The following AHCTF1 variants were observed in gnomAD, a reference collection of about 807,000 sequenced individuals.
The protein encoded by AHCTF1 is protein ELYS.
AHCTF1 carries 24 observed loss-of-function variants against 248.4 expected under a neutral mutation model. That is an observed-to-expected ratio of 0.10 (90% confidence interval 0.07 to 0.14). The LOEUF (loss-of-function observed/expected upper bound fraction) is 0.14, where lower values mean the gene tolerates loss of function less well. AHCTF1 is among the 10% of genes least tolerant of loss of function. AHCTF1 has a pLI of 1.00. For missense variants in AHCTF1, 2,206 were observed against 2,636.2 expected, an observed-to-expected ratio of 0.84 and a Z score of 3.57; for synonymous variants, 786 against 929.8, an observed-to-expected ratio of 0.85 and a Z score of 2.81.
intron 11 of AHCTF1, 152 bp downstream of exon 11, chr1:246,899,299 T>C (rs1664830925): frequency 3.6e-6 from 2 of 548,958 alleles, no homozygotes; most frequent in East Asian, 3.3e-5. Context: ...TAGTAACTGA[T>C]ACTACTAGTT....
Position 246,842,794 on chromosome 1 carries a change from T to C in AHCTF1, c.6526-18A>G. On this transcript the variant is annotated intron_variant, in intron 34 of 35. Transcript: ENST00000648844. Reference sequence around the variant, plus strand: ...TCATCTTTCTATGGGTTAAACATTTTAAAAGGTTAAGTATTAAACACGAAT... The same window carrying C: ...TCATCTTTCTATGGGTTAAACATTTCAAAAGGTTAAGTATTAAACACGAAT... 6.2e-7 allele frequency: 1 copy of C among 1,600,600 alleles called. No homozygotes were observed. Among genetic ancestry groups the C allele is most frequent in the Non-Finnish European group, 8.6e-7 (1 of 1,168,454 alleles).
intron 24 of AHCTF1, among the ~76,000 whole-genome samples, chr1:246,868,846 GTT>G (rs563383895): frequency 0.29 from 37,824 of 128,678 alleles, 5,123 homozygotes; most frequent in East Asian, 0.39. Flanking sequence ...TGTGTTTTTT[GTT>G]TTTTTTTTTT....
In AHCTF1 at chr1:246,891,005, T is replaced by C. The variant is rs1422299997; in HGVS notation, c.2001A>G (p.Ala667=). ...AATGAGAGAACCAAAGAACCACTTG[T>C]GCATACTGACAGATGAGGTGGGAAA... The part of the protein sequence containing the change: ...FVVSHLICQY[A]QVVLWFSHSG... Residue 667 remains alanine (A), a synonymous_variant, in exon 16 of 36, where the codon GCA becomes GCG. Transcript: ENST00000648844. The C allele has an allele frequency of 1.9e-6, 3 of 1,561,272 alleles. No homozygotes were observed. The highest frequency in any genetic ancestry group is 2.3e-5 in the East Asian group (1 of 42,684).
At chr1:246,894,217 C>T (rs1306371017) in intron 14 of AHCTF1, among the ~76,000 whole-genome samples, 1 of 152,066 alleles carries the variant, frequency 6.6e-6, no homozygotes, top group Non-Finnish European at 1.5e-5. Context: ...AAAAAAATTA[C>T]TTTTATCACT....
chr1:246,850,618 T>G lies in AHCTF1; in HGVS notation c.5388A>C (p.Leu1796=). ...TTTGAGGTATTTGCTGGTTCTGAGA[T>G]AGTCCTCTGACATCAGAATAGATGT... is the stretch of plus-strand genomic sequence containing the variant. ...SENIYSDVRG[L]SQNQQIPQNS... Residue 1796 remains leucine (L), a synonymous_variant, in exon 33 of 36, where the codon CTA becomes CTC. Transcript: ENST00000648844. The G allele has an allele frequency of 1.2e-6, 2 of 1,613,760 alleles. No individual in the cohort carries two copies. The highest frequency in any genetic ancestry group is 1.7e-6 in the Non-Finnish European group (2 of 1,179,810).
Position 246,879,849 on chromosome 1 carries a change from G to T in AHCTF1, c.2661-2547C>A, listed in dbSNP as rs934017796. ...TTCCCCCAACCCCGCCAAAAAAAAA[G>T]GGAGAACTAATTTAAAATAAAATGG... On this transcript the variant is annotated intron_variant, in intron 21 of 35. Transcript: ENST00000648844. Among the ~76,000 whole-genome samples, 2 of 149,546 alleles carry T rather than the reference G, an allele frequency of 1.3e-5. 1 individual carries two copies. The highest frequency in any genetic ancestry group is 4.3e-4 in the South Asian group (2 of 4,702).
rs763810529 is a variant in AHCTF1, at chr1:246,864,028, G to C, written c.3436C>G (p.Leu1146Val). ...CTTGAGGGCAGTGAACGGGATACTA[G>C]GTACAAAGGAGATTTCATGGAGCTT... is the stretch of plus-strand genomic sequence containing the variant. ...QQSSMKSPLY[L>V]VSRSLPSSSQ... is the part of the protein sequence containing the mutation. Residue 1146 changes from leucine (L) to valine (V), a missense_variant, in exon 27 of 36, where the codon CTA (leucine) becomes GTA (valine). Transcript: ENST00000648844. 6.2e-6 allele frequency: 10 copies of C among 1,614,098 alleles called. No individual in the cohort carries two copies. In the South Asian group the frequency reaches 9.9e-5, roughly 16 times the overall value.
chr1:246,858,747 C>T (rs993841854), intron 29 of AHCTF1, among the ~76,000 whole-genome samples: 5 of 148,008 alleles, frequency 3.4e-5, no homozygotes, highest in South Asian at 2.1e-4. Context: ...TGCGGTGAGC[C>T]GAGATCACAC....
chr1:246,881,419 C>G (rs1289947369), intron 21 of AHCTF1, among the ~76,000 whole-genome samples: 1 of 152,130 alleles, frequency 6.6e-6, no homozygotes, highest in Non-Finnish European at 1.5e-5. Context: ...AAGATTAAAA[C>G]CATGCAACGA....
intron 5 of AHCTF1, among the ~76,000 whole-genome samples, chr1:246,905,859 C>G (rs1665349845): frequency 6.6e-6 from 1 of 152,140 alleles, no homozygotes; most frequent in Non-Finnish European, 1.5e-5. Context: ...ACCCATCCCC[C>G]AGAGACAGAA....
At chr1:246,861,534 G>A (rs1364465658) in intron 28 of AHCTF1, among the ~76,000 whole-genome samples, 1 of 152,154 alleles carries the variant, frequency 6.6e-6, no homozygotes, top group Non-Finnish European at 1.5e-5. Context: ...CACAGAACAG[G>A]CTAGATGACC....
At chr1:246,925,956 T>C (rs1366474136) in intron 1 of AHCTF1, among the ~76,000 whole-genome samples, 2 of 150,624 alleles carry the variant, frequency 1.3e-5, no homozygotes, top group Admixed American at 6.7e-5. Context: ...TCCCAGCTAC[T>C]GGGATTGCTT....
In AHCTF1 at chr1:246,918,293, G is replaced by A. The variant is rs908919052; in HGVS notation, c.78C>T (p.Asp26=). 5.0e-6 allele frequency: 8 copies of A among 1,611,748 alleles called. No individual in the cohort carries two copies. Among genetic ancestry groups the A allele is most frequent in the African/African-American group, 2.7e-5 (2 of 74,942 alleles). The change falls in exon 2 of 36, where the codon GAC becomes GAT. Residue 26 remains aspartate, a synonymous_variant. Transcript: ENST00000648844. ...PEVTLQALGE[D]EITLESVLRG... is the part of the protein sequence containing the mutation. The stretch of plus-strand genomic sequence containing the variant: ...GAAGCACAGATTCTAATGTTATTTC[G>A]TCTTCTCCAAGGGCTTGAAGAGTCA...
intron 1 of AHCTF1, among the ~76,000 whole-genome samples, chr1:246,920,276 T>A (rs1666445358): frequency 6.6e-6 from 1 of 151,232 alleles, no homozygotes; most frequent in South Asian, 2.1e-4. Flanking sequence ...GATTAGAAAG[T>A]AAATGTCTAA....
intron 5 of AHCTF1, 132 bp downstream of exon 5, chr1:246,907,419 T>C (rs1170789027): frequency 5.2e-6 from 4 of 764,340 alleles, no homozygotes. Context: ...ATTAGTCATC[T>C]CAATCATTCA....
At chr1:246,921,138 C>T (rs373892396) in intron 1 of AHCTF1, among the ~76,000 whole-genome samples, 49 of 151,990 alleles carry the variant, frequency 3.2e-4, no homozygotes, top group East Asian at 7.7e-4. Flanking sequence ...AGAAAATACA[C>T]GCAAAATGAC....
chr1:246,867,170 AAAGAT>A, intron 26 of AHCTF1, 69 bp downstream of exon 26: 1 of 735,276 alleles, frequency 1.4e-6, no homozygotes, highest in East Asian at 2.9e-5. Flanking sequence ...ATAAAATGTT[AAAGAT>A]AATTAAAAAT....
chr1:246,868,409 C>G (rs562297831), intron 24 of AHCTF1, among the ~76,000 whole-genome samples: 4 of 144,228 alleles, frequency 2.8e-5, no homozygotes, highest in East Asian at 1.9e-4. Context: ...GCGTGAGCCA[C>G]TGCGCCTGGC....
At position 246,889,996 on chromosome 1, in the gene AHCTF1, C is replaced by G. The variant is rs1213713254; in HGVS notation, c.2114G>C (p.Ser705Thr). 5 of 1,612,316 alleles carry G rather than the reference C, an allele frequency of 3.1e-6. No homozygotes were observed. Among genetic ancestry groups the G allele is most frequent in the Non-Finnish European group, 4.2e-6 (5 of 1,179,412 alleles). ...NYPVIQNYYT[S>T]RRQKFERLSR... ...TAAACGCTCAAACTTCTGTCGACGA[C>G]TGGTGTAGTAGTTCTGAATTACAGG... Residue 705 changes from serine (S) to threonine (T), a missense_variant, in exon 17 of 36, where the codon AGT (serine) becomes ACT (threonine). Physicochemically the swap from Ser to Thr is moderately conservative, Grantham distance 58. This residue lies in a region of AHCTF1 where 650 missense variants were observed against 870.8 expected (regional missense o/e 0.75). Transcript: ENST00000648844.
Sources: allele counts gnomAD v4.1 joint callset (sites outside exome capture counted in the v4.1 genomes callset), GRCh38; gene constraint gnomAD v4.1.1; regional missense constraint gnomAD v4.1.1; transcripts MANE v1.5; gene names NCBI Gene and HGNC (gene_info 2026-07-23, HGNC 2026-07-21).